Variants in RFFL observed in about 807,000 individuals in gnomAD.
The protein encoded by RFFL is E3 ubiquitin-protein ligase rififylin.
Under a neutral mutation model 40.4 loss-of-function variants are expected in RFFL, and 16 were observed. The ratio of observed to expected loss-of-function variants is 0.40; its 90% confidence interval spans 0.27 to 0.60. The LOEUF (loss-of-function observed/expected upper bound fraction) is 0.60, where lower values mean the gene tolerates loss of function less well. RFFL is among the 20% of genes least tolerant of loss of function. The pLI is 0.47. For missense variants in RFFL, 367 were observed against 451.7 expected, an observed-to-expected ratio of 0.81 and a Z score of 1.70; for synonymous variants, 154 against 167.9, an observed-to-expected ratio of 0.92 and a Z score of 0.64.
chr17:35,013,019 T>C (rs927887302), intron 6 of RFFL, among the ~76,000 whole-genome samples: 1 of 152,236 alleles, frequency 6.6e-6, no homozygotes, highest in Non-Finnish European at 1.5e-5. Context: ...CATCCCACAT[T>C]TACTGAATGC....
upstream of RFFL, among the ~76,000 whole-genome samples, chr17:35,067,052 T>A (rs1196779463): frequency 1.3e-5 from 2 of 152,080 alleles, no homozygotes; most frequent in East Asian, 3.8e-4. Flanking sequence ...AAAATGAACA[T>A]TTCTCATCCC....
intron 1 of RFFL, among the ~76,000 whole-genome samples, 176 bp from the exon 2 acceptor site, chr17:35,026,737 C>T (rs1387162210): frequency 1.3e-5 from 2 of 152,144 alleles, no homozygotes; most frequent in Non-Finnish European, 2.9e-5. Flanking sequence ...TGGAGTTTTG[C>T]TCTTGTTGCC....
At chr17:35,071,900 A>AT (rs1415531635) in intron 1 of RFFL, among the ~76,000 whole-genome samples, 2 of 152,140 alleles carry the variant, frequency 1.3e-5, no homozygotes, top group African/African-American at 4.8e-5. Context: ...CTGCCACACA[A>AT]TAACTTGGAT....
At position 35,006,068 on chromosome 17, in the gene RFFL, C is replaced by G. The variant is rs2090893369; in HGVS notation, c.*5900G>C. 1 of 223,802 alleles carries G rather than the reference C, an allele frequency of 4.5e-6. No individual in the cohort carries two copies. The highest frequency in any genetic ancestry group is 6.4e-5 in the South Asian group (1 of 15,526). 13.9% of individuals were successfully genotyped at this position (223,802 alleles called of 1,614,324 possible). On this transcript the variant is annotated 3_prime_UTR_variant, in exon 7 of 7. Transcript: ENST00000394597. ...CAGGGAAAAAAATAAAAATCCACAC[C>G]TGAGAACAGATCCATACAACCTGCT...
At chr17:35,032,094 CA>C (rs11308568) in intron 1 of RFFL, among the ~76,000 whole-genome samples, 28,770 of 82,020 alleles carry the variant, frequency 0.35, 4,692 homozygotes, top group African/African-American at 0.6. Context: ...GACTCCGTCT[CA>C]AAAAAAAAAA....
chr17:35,053,058 T>C (rs899723707), intron 1 of RFFL, among the ~76,000 whole-genome samples: 1 of 152,172 alleles, frequency 6.6e-6, no homozygotes, highest in East Asian at 1.9e-4. Flanking sequence ...CTAAATTGGA[T>C]AGGTGGACTG....
At chr17:35,059,039 G>A (rs1170130785) in intron 1 of RFFL, among the ~76,000 whole-genome samples, 1 of 42,758 alleles carries the variant, frequency 2.3e-5, no homozygotes, top group Admixed American at 2.7e-4. Flanking sequence ...TTTTTTTTTT[G>A]AGACGGTCTC....
chr17:35,028,390 T>C (rs2091057744), intron 1 of RFFL, among the ~76,000 whole-genome samples: 1 of 151,278 alleles, frequency 6.6e-6, no homozygotes, highest in Non-Finnish European at 1.5e-5. Flanking sequence ...ACATATCAAA[T>C]GCAGGTACTG....
At position 35,012,089 on chromosome 17, in the gene RFFL, A is replaced by G. The variant is rs1597809750; in HGVS notation, c.971T>C (p.Ile324Thr). ...GCCACACTCCAGAAGAACACAGTCAATGGGTGAGTCCATGCAGATCTTACA... is the reference window on the plus strand; with the variant it reads ...GCCACACTCCAGAAGAACACAGTCAGTGGGTGAGTCCATGCAGATCTTACA... ...NLCKICMDSP[I>T]DCVLLECGHM... is the part of the protein sequence containing the mutation. Residue 324 changes from isoleucine (I) to threonine (T), a missense_variant, in exon 7 of 7, where the codon ATT becomes ACT. By Grantham distance (89) the Ile-to-Thr change is moderately conservative. Coordinates refer to ENST00000394597, the MANE Select transcript of RFFL (RefSeq NM_001017368.2). 2.5e-6 allele frequency: 4 copies of G among 1,614,198 alleles called. No homozygotes were observed. The highest frequency in any genetic ancestry group is 2.2e-5 in the East Asian group (1 of 44,886).
Position 35,021,758 on chromosome 17 carries a change from T to C in RFFL, c.204A>G (p.Lys68=). Residue 68 remains lysine (K), a synonymous_variant, in exon 3 of 7, where the codon AAA becomes AAG. Transcript: ENST00000394597. Reference sequence around the variant, plus strand: ...GGCTCGAACAGGTCATGCAAAAATTTTTCTTACAGTCCAAGCAGGTCTGCT... The same window carrying C: ...GGCTCGAACAGGTCATGCAAAAATTCTTCTTACAGTCCAAGCAGGTCTGCT... ...ARKQTCLDCK[K]NFCMTCSSQV... The C allele has an allele frequency of 6.2e-7, 1 of 1,614,190 alleles. No homozygotes were observed. The highest frequency in any genetic ancestry group is 1.1e-5 in the South Asian group (1 of 91,088).
Position 35,008,264 on chromosome 17 carries a change from T to C in RFFL, c.*3704A>G, listed in dbSNP as rs2090909623. On this transcript the variant is annotated 3_prime_UTR_variant, in exon 7 of 7. Transcript: ENST00000394597. ...TCATCCTTTACCTACCCAGCTCTCA[T>C]TCTCTTCTAGGTTGTTCCATGGCCT... 6.6e-6 allele frequency: 1 copy of C among 152,250 alleles called. No homozygotes were observed. Among genetic ancestry groups the C allele is most frequent in the Non-Finnish European group, 1.5e-5 (1 of 68,074 alleles). 9.4% of individuals were successfully genotyped at this position (152,250 alleles called of 1,614,324 possible).
chr17:35,020,706 C>A (rs547332491), intron 3 of RFFL, among the ~76,000 whole-genome samples: 2 of 152,230 alleles, frequency 1.3e-5, no homozygotes, highest in East Asian at 3.9e-4. Flanking sequence ...TGTCTACCTT[C>A]CCTCTTCTGG....
chr17:35,081,472 C>T (rs1341136449), intron 1 of RFFL, among the ~76,000 whole-genome samples: 2 of 152,134 alleles, frequency 1.3e-5, no homozygotes, highest in South Asian at 2.1e-4. Flanking sequence ...CAAAAATTCA[C>T]GTGCTAGTGT....
At chr17:35,044,297 T>G (rs2091184144) in intron 1 of RFFL, among the ~76,000 whole-genome samples, 1 of 152,182 alleles carries the variant, frequency 6.6e-6, no homozygotes, top group African/African-American at 2.4e-5. Flanking sequence ...AGACTGGTCT[T>G]TGAACTCCTA....
chr17:35,017,257 GC>G (rs776997494), intron 4 of RFFL, among the ~76,000 whole-genome samples: 11 of 152,074 alleles, frequency 7.2e-5, no homozygotes, highest in Non-Finnish European at 1.5e-4. Flanking sequence ...CTGCCCTCCG[GC>G]AGCTCTTAGA....
At chr17:35,076,386 A>G (rs1158931931) in intron 1 of RFFL, among the ~76,000 whole-genome samples, 1 of 152,066 alleles carries the variant, frequency 6.6e-6, no homozygotes, top group African/African-American at 2.4e-5. Context: ...AATTTTAAAA[A>G]TAATAGTAAA....
rs971109604 is a variant in RFFL, at chr17:35,077,634, C to T, written c.-9+11471G>A. On this transcript the variant is annotated intron_variant, in intron 1 of 6. Coordinates refer to the RFFL transcript ENST00000315249. ...TTATTGTTCTGAAGGAATCAAAGTA[C>T]CTTTGCCCTCATTATCTTATAGCTT... 7.9e-5 allele frequency among the ~76,000 whole-genome samples: 12 copies of T among 152,326 alleles called. No individual in the cohort carries two copies. In the South Asian group the frequency reaches 1.2e-3, roughly 16 times the overall value.
At chr17:35,051,378 A>G (rs964226597) in intron 1 of RFFL, among the ~76,000 whole-genome samples, 1 of 152,170 alleles carries the variant, frequency 6.6e-6, no homozygotes, top group African/African-American at 2.4e-5. Flanking sequence ...TTTGCACTTG[A>G]CTTCCTGTTT....
Position 35,061,664 on chromosome 17 carries a change from T to C in RFFL, c.-9+1912A>G, listed in dbSNP as rs549920327. 3.6e-3 allele frequency among the ~76,000 whole-genome samples: 542 copies of C among 148,522 alleles called. 3 individuals are homozygous for C. Among genetic ancestry groups the C allele is most frequent in the African/African-American group, 0.012 (493 of 39,542 alleles). On this transcript the variant is annotated intron_variant, in intron 1 of 6. Transcript: ENST00000394597. Reference sequence around the variant, plus strand: ...TTTAAATACAGACAGGGTTTCACCATGTTGGCCAGGATGGTCTCAAACTCT... The same window carrying C: ...TTTAAATACAGACAGGGTTTCACCACGTTGGCCAGGATGGTCTCAAACTCT...
Sources: allele counts gnomAD v4.1 joint callset (sites outside exome capture counted in the v4.1 genomes callset), GRCh38; gene constraint gnomAD v4.1.1; transcripts MANE v1.5; gene names NCBI Gene and HGNC (gene_info 2026-07-23, HGNC 2026-07-21).